WDR11: variants seen among roughly 807,000 people sequenced by gnomAD.
WDR11 encodes the protein WD repeat-containing protein 11.
WDR11 carries 83 observed loss-of-function variants against 151.2 expected under a neutral mutation model. The observed-to-expected ratio is 0.55, with a 90% CI of 0.46 to 0.66. The LOEUF (loss-of-function observed/expected upper bound fraction) is 0.66, where lower values mean the gene tolerates loss of function less well. Ranked by LOEUF, WDR11 falls within the 30% of genes least tolerant of loss-of-function variation. The pLI, the probability that WDR11 is intolerant of heterozygous loss-of-function variation, is 0.00. For missense variants in WDR11, 1,301 were observed against 1,480.9 expected (o/e 0.88, Z 1.99); for synonymous variants, 484 against 533.1 (o/e 0.91, Z 1.27).
intron 2 of WDR11, among the ~76,000 whole-genome samples, chr10:120,854,400 C>T (rs1301382134): frequency 6.6e-6 from 1 of 152,208 alleles, no homozygotes; most frequent in African/African-American, 2.4e-5. Context: ...GGATGTATCA[C>T]ATTTATTTTA....
In WDR11 at chr10:120,851,649, T is replaced by C. The variant is rs138483371; in HGVS notation, c.86+143T>C. 1,705 of 973,742 alleles carry C rather than the reference T, an allele frequency of 1.8e-3. 18 individuals are homozygous for C. In the African/African-American group the frequency reaches 0.024, roughly 13 times the overall value. 60.3% of individuals were successfully genotyped at this position (973,742 alleles called of 1,614,324 possible). A position where few individuals can be genotyped will look rare whatever the true frequency, so the allele number is the denominator to read the frequency against. On this transcript the variant is annotated intron_variant, in intron 1 of 28. Coordinates refer to ENST00000263461, the MANE Select transcript of WDR11 (RefSeq NM_018117.12). ...CCTCACGCAATGAGCTTGCTTTCAG[T>C]TGGTGGATTTTTGTTGTTACAAAAG...
chr10:120,853,157 C>T (rs952471164), intron 2 of WDR11, among the ~76,000 whole-genome samples: 3 of 151,998 alleles, frequency 2.0e-5, no homozygotes, highest in African/African-American at 7.3e-5. Flanking sequence ...AAGTAAGTAG[C>T]GTGCCATAAA....
intron 12 of WDR11, 53 bp downstream of exon 12, chr10:120,878,512 A>G: frequency 7.0e-7 from 1 of 1,428,308 alleles, no homozygotes; most frequent in Non-Finnish European, 9.9e-7. Flanking sequence ...ACATGTTGCC[A>G]TTTATAAAAC....
intron 17 of WDR11, chr10:120,889,631 G>C: frequency 2.0e-6 from 1 of 497,384 alleles, no homozygotes. Flanking sequence ...GGACCCTTGG[G>C]TCCCTTCACC....
chr10:120,895,621 C>T (rs1590108489), intron 19 of WDR11, among the ~76,000 whole-genome samples: 1 of 152,240 alleles, frequency 6.6e-6, no homozygotes, highest in East Asian at 1.9e-4. Flanking sequence ...TCACAAGTCA[C>T]AGACTGTCTA....
chr10:120,909,202 A>ATTTT lies in WDR11; in HGVS notation c.*492_*495dup, dbSNP rs1239875847. 1 of 158,842 alleles carries ATTTT rather than the reference A, an allele frequency of 6.3e-6. No homozygotes were observed. The highest frequency in any genetic ancestry group is 2.4e-5 in the African/African-American group (1 of 41,574). 9.8% of individuals were successfully genotyped at this position (158,842 alleles called of 1,614,324 possible). On this transcript the variant is annotated 3_prime_UTR_variant, in exon 29 of 29. Transcript: ENST00000263461. Reference sequence around the variant, plus strand: ...AGTATTAAAGGTAGTTTACCAAAGCATTTTTTGTTTTCTTACCTTGAAAAC... The same window carrying ATTTT: ...AGTATTAAAGGTAGTTTACCAAAGCATTTTTTTTTTGTTTTCTTACCTTGAAAAC...
chr10:120,906,520 A>G (rs1848052245), intron 27 of WDR11: 1 of 1,353,164 alleles, frequency 7.4e-7, no homozygotes. Context: ...GGCACTTGTC[A>G]TATCTCTGTA....
In WDR11 at chr10:120,884,003, ATG is replaced by A; in HGVS notation, c.1848+121_1848+122del. 3 of 840,104 alleles carry A rather than the reference ATG, an allele frequency of 3.6e-6. No individual in the cohort carries two copies. In the South Asian group the frequency reaches 4.4e-5, roughly 12 times the overall value. 52.0% of individuals were successfully genotyped at this position (840,104 alleles called of 1,614,324 possible). On this transcript the variant is annotated intron_variant, in intron 14 of 28. Transcript: ENST00000263461. ...GCCAATGTCATTTTTTTGGTTAAAA[ATG>A]TGTGTTCAGAGAAGATGATCTAAAT...
rs2241846 is a variant in WDR11, at chr10:120,858,636, G to A, written c.199-7G>A. ...TATTTACTTGATCTGATTTCTTCTTGATACAGGTTAAATGGGCCAGGGAAA... is the reference window on the plus strand; with the variant it reads ...TATTTACTTGATCTGATTTCTTCTTAATACAGGTTAAATGGGCCAGGGAAA... On this transcript the variant is annotated splice_region_variant and splice_polypyrimidine_tract_variant and intron_variant, in intron 2 of 28. Coordinates refer to ENST00000263461, the MANE Select transcript of WDR11 (RefSeq NM_018117.12). The A allele has an allele frequency of 6.2e-7, 1 of 1,613,448 alleles. No individual in the cohort carries two copies.
chr10:120,867,216 G>C, intron 9 of WDR11, 47 bp downstream of exon 9: 2 of 1,364,388 alleles, frequency 1.5e-6, no homozygotes, highest in Admixed American at 3.4e-5. Flanking sequence ...TCTTTCTGAA[G>C]GGCAAAATTA....
chr10:120,870,698 G>A (rs74158335), intron 9 of WDR11, among the ~76,000 whole-genome samples: 9,354 of 152,190 alleles, frequency 0.061, 970 homozygotes, highest in African/African-American at 0.21. Flanking sequence ...TTATGAATAA[G>A]TTATTTAAAT....
At chr10:120,892,702 A>C (rs565003207) in intron 19 of WDR11, among the ~76,000 whole-genome samples, 1 of 152,350 alleles carries the variant, frequency 6.6e-6, no homozygotes, top group South Asian at 2.1e-4. Context: ...TCACATCTGT[A>C]CATTTTCTTA....
intron 4 of WDR11, among the ~76,000 whole-genome samples, chr10:120,860,957 GAGA>G (rs1426022543): frequency 2.0e-5 from 3 of 152,206 alleles, no homozygotes; most frequent in Non-Finnish European, 1.5e-5. Context: ...GCATTCTAGT[GAGA>G]AGAAGTCATA....
Position 120,890,158 on chromosome 10 carries a change from G to A in WDR11, c.2343+149G>A, listed in dbSNP as rs7098264. On this transcript the variant is annotated intron_variant, in intron 18 of 28. Coordinates refer to ENST00000263461, the MANE Select transcript of WDR11 (RefSeq NM_018117.12). ...AACAAATTATTTTCTTTACTTTACAGTATTTGTGTTCTAAAGGTAACAACT... is the reference window on the plus strand; with the variant it reads ...AACAAATTATTTTCTTTACTTTACAATATTTGTGTTCTAAAGGTAACAACT... The A allele has an allele frequency of 0.36, 219,423 of 613,140 alleles. 39,932 individuals are homozygous for A. The highest frequency in any genetic ancestry group is 0.48 in the Admixed American group (18,878 of 39,266). 38.0% of individuals were successfully genotyped at this position (613,140 alleles called of 1,614,324 possible).
chr10:120,884,526 A>G (rs952828251), intron 14 of WDR11, among the ~76,000 whole-genome samples: 1 of 152,178 alleles, frequency 6.6e-6, no homozygotes, highest in Non-Finnish European at 1.5e-5. Flanking sequence ...ATGTAAAGCT[A>G]TAAAATTGAA....
intron 10 of WDR11, among the ~76,000 whole-genome samples, chr10:120,872,043 A>G (rs1001824164): frequency 2.0e-5 from 3 of 152,200 alleles, no homozygotes; most frequent in African/African-American, 7.2e-5. Flanking sequence ...TTGAAACTCA[A>G]CATTTCTTCT....
chr10:120,905,316 C>T lies in WDR11; in HGVS notation c.3194-3C>T. 6.2e-7 allele frequency: 1 copy of T among 1,613,952 alleles called. No individual in the cohort carries two copies. Among genetic ancestry groups the T allele is most frequent in the Non-Finnish European group, 8.5e-7 (1 of 1,180,010 alleles). Reference sequence around the variant, plus strand: ...CTTAAGGGGATGCGCTTTTGTCTTTCAGAGGGCGTTCAGTTGCTCTGCCTG... The same window carrying T: ...CTTAAGGGGATGCGCTTTTGTCTTTTAGAGGGCGTTCAGTTGCTCTGCCTG... On this transcript the variant is annotated splice_region_variant and splice_polypyrimidine_tract_variant and intron_variant, in intron 25 of 28. Coordinates refer to ENST00000263461, the MANE Select transcript of WDR11 (RefSeq NM_018117.12).
intron 19 of WDR11, among the ~76,000 whole-genome samples, chr10:120,896,145 A>C (rs1283080716): frequency 6.6e-6 from 1 of 152,206 alleles, no homozygotes; most frequent in Non-Finnish European, 1.5e-5. Flanking sequence ...TAGCTCTGTG[A>C]CCTGATGTAG....
intron 27 of WDR11, 135 bp downstream of exon 27, chr10:120,906,156 A>C: frequency 6.4e-7 from 1 of 1,551,592 alleles, no homozygotes; most frequent in Non-Finnish European, 8.7e-7. Flanking sequence ...TTTGTCAAAA[A>C]ACCCAAAGGA....
Sources: gnomAD v4.1 joint callset for allele counts (sites outside exome capture counted in the v4.1 genomes callset) on GRCh38, gnomAD v4.1.1 for gene constraint, MANE v1.5 for transcripts, NCBI Gene and HGNC (gene_info 2026-07-23, HGNC 2026-07-21) for gene names.